Variants in TOPAZ1 observed in about 807,000 individuals in gnomAD.
The protein encoded by TOPAZ1 is protein TOPAZ1.
A neutral mutation model predicts 172.2 loss-of-function variants in TOPAZ1; 66 were observed. The observed-to-expected ratio is 0.38, with a 90% CI of 0.31 to 0.47. The LOEUF (loss-of-function observed/expected upper bound fraction) is 0.47. Ranked by LOEUF, TOPAZ1 falls within the 20% of genes least tolerant of loss-of-function variation. TOPAZ1 has a pLI of 0.99. For missense variants in TOPAZ1, 1,822 were observed against 1,972.4 expected (o/e 0.92, Z 1.44); for synonymous variants, 681 against 683.9 (o/e 1.00, Z 0.07).
chr3:44,244,097 G>A lies in TOPAZ1; in HGVS notation c.1591G>A (p.Val531Ile), dbSNP rs757598980. 1.9e-6 allele frequency: 3 copies of A among 1,551,680 alleles called. No homozygotes were observed. The highest frequency in any genetic ancestry group is 2.6e-6 in the Non-Finnish European group (3 of 1,146,960). The change falls in exon 2 of 20, where the codon GTC (valine) becomes ATC (isoleucine). Residue 531 changes from valine to isoleucine, a missense_variant. Physicochemically the swap from Val to Ile is conservative, Grantham distance 29 (BLOSUM62 3). This residue lies in a region of TOPAZ1 where 1,489 missense variants were observed against 1,490.8 expected (regional missense o/e 1.00). Transcript: ENST00000309765. Reference protein sequence around the residue: ...GSQESCRQVDVPKHQTNQTHL... With the variant: ...GSQESCRQVDIPKHQTNQTHL... ...TCAGGAAAGTTGTAGGCAAGTTGAT[G>A]TCCCTAAACACCAAACAAACCAGAC...
At chr3:44,257,789 T>C (rs1325749600) in intron 4 of TOPAZ1, among the ~76,000 whole-genome samples, 1 of 152,104 alleles carries the variant, frequency 6.6e-6, no homozygotes, top group African/African-American at 2.4e-5. Context: ...TTTGTGTAGT[T>C]CAGTGTATTT....
chr3:44,277,045 C>T (rs1357484963), intron 8 of TOPAZ1, among the ~76,000 whole-genome samples: 1 of 152,142 alleles, frequency 6.6e-6, no homozygotes, highest in East Asian at 1.9e-4. Flanking sequence ...CCTGCCTCAG[C>T]CTCCCAAAGT....
At chr3:44,290,942 T>C (rs1700130579) in intron 12 of TOPAZ1, 56 bp downstream of exon 12, 2 of 1,172,336 alleles carry the variant, frequency 1.7e-6, no homozygotes, top group Admixed American at 2.5e-5. Flanking sequence ...TGGGGACTTA[T>C]AAAAGCTGAA....
chr3:44,280,855 AGGGCAGGGTTACAATCTGTGG>A (rs560988670), intron 8 of TOPAZ1, among the ~76,000 whole-genome samples: 15 of 152,332 alleles, frequency 9.8e-5, no homozygotes, highest in Middle Eastern at 3.4e-3. Flanking sequence ...ATTGGGCCCC[AGGGCAGGGTTACAATCTGTGG>A]GGGCTGGGCT....
intron 12 of TOPAZ1, among the ~76,000 whole-genome samples, chr3:44,300,215 T>C (rs1448896177): frequency 1.3e-5 from 2 of 152,038 alleles, no homozygotes; most frequent in African/African-American, 2.4e-5. Context: ...GGCAGATCAC[T>C]TGAGGTCAGG....
At chr3:44,315,352 G>A (rs905768054) in intron 16 of TOPAZ1, among the ~76,000 whole-genome samples, 11 of 151,652 alleles carry the variant, frequency 7.3e-5, no homozygotes, top group African/African-American at 2.7e-4. Context: ...GAAAAAACGT[G>A]TTGTCTTCAT....
At chr3:44,276,830 C>T (rs938182697) in intron 8 of TOPAZ1, among the ~76,000 whole-genome samples, 4 of 151,668 alleles carry the variant, frequency 2.6e-5, no homozygotes, top group East Asian at 3.9e-4. Flanking sequence ...CTGGCTCTGT[C>T]GCCAGGCTGG....
intron 6 of TOPAZ1, 46 bp downstream of exon 6, chr3:44,267,182 T>G: frequency 7.1e-7 from 1 of 1,402,908 alleles, no homozygotes; most frequent in Non-Finnish European, 9.4e-7. Context: ...TTTGGTGATA[T>G]AGAAACTAGG....
At chr3:44,306,286 G>A in intron 14 of TOPAZ1, 40 bp from the exon 15 acceptor site, 1 of 1,295,278 alleles carries the variant, frequency 7.7e-7, no homozygotes, top group Non-Finnish European at 1.1e-6. Flanking sequence ...CATTTTAAGT[G>A]ACTATTTTAT....
At chr3:44,268,261 G>A (rs1699853000) in intron 6 of TOPAZ1, among the ~76,000 whole-genome samples, 1 of 151,664 alleles carries the variant, frequency 6.6e-6, no homozygotes, top group African/African-American at 2.4e-5. Context: ...ATTTTCTGAT[G>A]AGGGCTCTCT....
intron 11 of TOPAZ1, 106 bp from the exon 12 acceptor site, chr3:44,290,665 C>T: frequency 6.2e-6 from 4 of 646,568 alleles, no homozygotes; most frequent in South Asian, 1.9e-5. Context: ...CACTTGTCTC[C>T]ATGTTTCACT....
chr3:44,292,321 AGCAT>A (rs564170135), intron 12 of TOPAZ1, among the ~76,000 whole-genome samples: 2 of 152,206 alleles, frequency 1.3e-5, no homozygotes, highest in Non-Finnish European at 2.9e-5. Flanking sequence ...TAATTCATCC[AGCAT>A]GTAGTTCTGG....
Position 44,262,490 on chromosome 3 carries a change from A to G in TOPAZ1, c.3020+7A>G, listed in dbSNP as rs1220994484. On this transcript the variant is annotated splice_region_variant and intron_variant, in intron 5 of 19. Coordinates refer to ENST00000309765, the MANE Select transcript of TOPAZ1 (RefSeq NM_001145030.2). The stretch of plus-strand genomic sequence containing the variant: ...TTTATGAAGTTTGCAAAAGGTCTGT[A>G]ACATAATTCTTAATTACATAACTTA... 5 of 1,352,914 alleles carry G rather than the reference A, an allele frequency of 3.7e-6. No homozygotes were observed. In the Admixed American group the frequency reaches 1.1e-4, roughly 30 times the overall value. The allele number at this position is 1,352,914 out of a possible 1,614,324, so 83.8% of individuals were successfully genotyped here.
At chr3:44,313,543 G>T (rs1195695812) in intron 16 of TOPAZ1, among the ~76,000 whole-genome samples, 1 of 151,558 alleles carries the variant, frequency 6.6e-6, no homozygotes, top group South Asian at 2.1e-4. Context: ...CATGAACCCG[G>T]GAGGCGGAGC....
At chr3:44,297,622 G>A (rs1700214195) in intron 12 of TOPAZ1, among the ~76,000 whole-genome samples, 1 of 152,134 alleles carries the variant, frequency 6.6e-6, no homozygotes, top group Non-Finnish European at 1.5e-5. Context: ...AACATACTAT[G>A]ATAAATCTTA....
chr3:44,322,720 G>A (rs1700555295), intron 17 of TOPAZ1, among the ~76,000 whole-genome samples: 1 of 152,084 alleles, frequency 6.6e-6, no homozygotes, highest in Non-Finnish European at 1.5e-5. Flanking sequence ...CCAGGAATTC[G>A]AAACTAGTCT....
At chr3:44,283,366 C>CT (rs1700043177) in intron 9 of TOPAZ1, among the ~76,000 whole-genome samples, 2 of 152,200 alleles carry the variant, frequency 1.3e-5, no homozygotes, top group South Asian at 4.1e-4. Context: ...AGAGGAATCA[C>CT]TTTAAGAATG....
At chr3:44,305,692 G>A (rs1700329088) in intron 14 of TOPAZ1, among the ~76,000 whole-genome samples, 1 of 151,560 alleles carries the variant, frequency 6.6e-6, no homozygotes, top group Non-Finnish European at 1.5e-5. Flanking sequence ...TAACAAGAAT[G>A]TAAAACTAAA....
At chr3:44,312,283 A>G (rs1479906128) in intron 16 of TOPAZ1, among the ~76,000 whole-genome samples, 2 of 152,038 alleles carry the variant, frequency 1.3e-5, no homozygotes, top group African/African-American at 4.8e-5. Flanking sequence ...TACCATCCGA[A>G]TAAGAATAAT....
Sources: allele counts gnomAD v4.1 joint callset (sites outside exome capture counted in the v4.1 genomes callset), GRCh38; gene constraint gnomAD v4.1.1; regional missense constraint gnomAD v4.1.1; transcripts MANE v1.5; gene names NCBI Gene and HGNC (gene_info 2026-07-23, HGNC 2026-07-21).